ZNF704: variants seen among roughly 807,000 people sequenced by gnomAD.
The protein encoded by ZNF704 is zinc finger protein 704.
ZNF704 carries 10 observed loss-of-function variants against 44.7 expected under a neutral mutation model. The observed-to-expected ratio is 0.22, with a 90% CI of 0.14 to 0.38. The LOEUF is 0.38. Among genes scored for constraint, ZNF704 ranks in the 10% least tolerant of loss-of-function variants. ZNF704 has a pLI of 1.00. For missense variants in ZNF704, 390 were observed against 545.5 expected (o/e 0.71, Z 2.84); for synonymous variants, 211 against 207.6 (o/e 1.02, Z -0.14).
intron 7 of ZNF704, among the ~76,000 whole-genome samples, chr8:80,648,637 A>C (rs1030648257): frequency 1.6e-4 from 25 of 152,224 alleles, no homozygotes; most frequent in African/African-American, 6.0e-4. Context: ...TGAGCAGGGA[A>C]ATGGCCTGCA....
At chr8:80,811,599 T>C (rs1563561747) in intron 2 of ZNF704, among the ~76,000 whole-genome samples, 1 of 152,208 alleles carries the variant, frequency 6.6e-6, no homozygotes, top group Non-Finnish European at 1.5e-5. Flanking sequence ...AGTTAGTGGC[T>C]ATCGAAAATA....
At chr8:80,715,559 G>A (rs1400271463) in intron 2 of ZNF704, among the ~76,000 whole-genome samples, 2 of 152,178 alleles carry the variant, frequency 1.3e-5, no homozygotes, top group Non-Finnish European at 2.9e-5. Flanking sequence ...GAAGTGGGTG[G>A]GGCCAGAGGT....
intron 4 of ZNF704, among the ~76,000 whole-genome samples, chr8:80,672,978 G>T (rs1177282551): frequency 6.6e-6 from 1 of 152,018 alleles, no homozygotes; most frequent in East Asian, 1.9e-4. Context: ...AATTAACGTA[G>T]TAAATAACAA....
chr8:80,881,693 C>G, the ZNF704 span, among the ~76,000 whole-genome samples: 1 of 152,020 alleles, frequency 6.6e-6, no homozygotes, highest in Non-Finnish European at 1.5e-5. Context: ...TTTGGGAGGC[C>G]GAGGTGGGCA....
chr8:80,882,079 G>A, the ZNF704 span, among the ~76,000 whole-genome samples: 1 of 152,130 alleles, frequency 6.6e-6, no homozygotes, highest in African/African-American at 2.4e-5. Context: ...ATATAGTGCC[G>A]CCAACCTTTG....
intron 2 of ZNF704, among the ~76,000 whole-genome samples, chr8:80,735,446 C>A (rs2131685514): frequency 6.6e-6 from 1 of 152,306 alleles, no homozygotes; most frequent in South Asian, 2.1e-4. Flanking sequence ...AGGTTACAAA[C>A]CTGTGGAGCC....
chr8:80,881,421 A>G, the ZNF704 span, among the ~76,000 whole-genome samples: 20 of 152,352 alleles, frequency 1.3e-4, no homozygotes, highest in Non-Finnish European at 2.8e-4. Flanking sequence ...GCTATAAAAT[A>G]CTTTTTTACA....
At chr8:80,862,896 T>C (rs910065051) in intron 1 of ZNF704, among the ~76,000 whole-genome samples, 11 of 150,248 alleles carry the variant, frequency 7.3e-5, no homozygotes, top group East Asian at 2.0e-4. Context: ...GATATGCAAA[T>C]AGAGACCTTG....
chr8:80,655,930 A>T (rs1818007809), intron 7 of ZNF704, among the ~76,000 whole-genome samples: 1 of 152,186 alleles, frequency 6.6e-6, no homozygotes, highest in African/African-American at 2.4e-5. Context: ...TAGCAGGTTG[A>T]CTAGCTTATA....
At chr8:80,712,782 A>G (rs1292383293) in intron 2 of ZNF704, among the ~76,000 whole-genome samples, 1 of 152,020 alleles carries the variant, frequency 6.6e-6, no homozygotes, top group East Asian at 1.9e-4. Flanking sequence ...GGGCAACAAG[A>G]GTGAAACTCT....
intron 7 of ZNF704, 110 bp from the exon 8 acceptor site, chr8:80,643,239 G>T: frequency 3.0e-6 from 2 of 664,616 alleles, no homozygotes; most frequent in Non-Finnish European, 4.7e-6. Flanking sequence ...CAGAGATGAG[G>T]CCAGGCACGG....
intron 2 of ZNF704, among the ~76,000 whole-genome samples, chr8:80,700,042 T>C (rs1818784832): frequency 6.6e-6 from 1 of 152,326 alleles, no homozygotes; most frequent in East Asian, 1.9e-4. Context: ...TTCACCCACA[T>C]GCAAAAGCTC....
chr8:80,695,712 C>A (rs1465402976), intron 2 of ZNF704, among the ~76,000 whole-genome samples: 1 of 152,154 alleles, frequency 6.6e-6, no homozygotes, highest in Non-Finnish European at 1.5e-5. Flanking sequence ...ATACAGAATG[C>A]ATCATTATAA....
chr8:80,645,422 GA>G (rs1817814710), intron 7 of ZNF704, among the ~76,000 whole-genome samples: 1 of 152,146 alleles, frequency 6.6e-6, no homozygotes, highest in African/African-American at 2.4e-5. Flanking sequence ...CAACGTAAAG[GA>G]ATGCACATGA....
At chr8:80,848,499 C>T (rs1289061251) in intron 1 of ZNF704, among the ~76,000 whole-genome samples, 1 of 152,090 alleles carries the variant, frequency 6.6e-6, no homozygotes, top group East Asian at 1.9e-4. Context: ...GAACAGGATC[C>T]TTCTGTATTA....
chr8:80,644,492 C>CT (rs1197089859), intron 7 of ZNF704, among the ~76,000 whole-genome samples: 12 of 152,152 alleles, frequency 7.9e-5, no homozygotes, highest in African/African-American at 2.9e-4. Flanking sequence ...TTAACCAAGG[C>CT]TTTTAACATG....
chr8:80,849,189 C>T lies in ZNF704; in HGVS notation c.-22+25382G>A, dbSNP rs186660485. On this transcript the variant is annotated intron_variant, in intron 1 of 8. Transcript: ENST00000327835. ...ACTTGTTTCTCACCAAATTCTACTG[C>T]AACATCTCAACAAATCCAAGGCAAA... is the stretch of plus-strand genomic sequence containing the variant. 1.5e-3 allele frequency among the ~76,000 whole-genome samples: 222 copies of T among 152,270 alleles called. 1 individual carries two copies. The highest frequency in any genetic ancestry group is 4.8e-3 in the South Asian group (23 of 4,808).
chr8:80,840,310 C>T (rs998857469), intron 1 of ZNF704, among the ~76,000 whole-genome samples: 14 of 151,352 alleles, frequency 9.2e-5, no homozygotes, highest in East Asian at 7.8e-4. Flanking sequence ...AAATTGTGTG[C>T]GTGTGTGTGT....
At position 80,772,216 on chromosome 8, in the gene ZNF704, T is replaced by C. The variant is rs560593194; in HGVS notation, c.221+49158A>G. On this transcript the variant is annotated intron_variant, in intron 2 of 8. Transcript: ENST00000327835. The stretch of plus-strand genomic sequence containing the variant: ...GTCATTGGTTTTGGTATTAGGGTAA[T>C]ACTAGTTTCATAAAATGAATTGGGA... Among the ~76,000 whole-genome samples the C allele has an allele frequency of 9.2e-5, 14 of 152,332 alleles. No individual in the cohort carries two copies. The South Asian group carries it at 2.3e-3, about 25-fold the overall frequency.
Sources: allele counts gnomAD v4.1 joint callset (sites outside exome capture counted in the v4.1 genomes callset), GRCh38; gene constraint gnomAD v4.1.1; transcripts MANE v1.5; gene names NCBI Gene and HGNC (gene_info 2026-07-23, HGNC 2026-07-21).